The following IL15RA variants were observed in gnomAD, a reference collection of about 807,000 sequenced individuals.
IL15RA encodes interleukin-15 receptor subunit alpha.
In IL15RA, 26 loss-of-function variants were observed where a neutral mutation model predicts 24.2. That is an observed-to-expected ratio of 1.07 (90% CI 0.79 to 1.49). The LOEUF (loss-of-function observed/expected upper bound fraction) is 1.49. Ranked by LOEUF, IL15RA falls within the 40% of genes most tolerant of loss-of-function variation. IL15RA has a pLI of 0.00. For synonymous variants in IL15RA, 166 were observed against 157.6 expected, an observed-to-expected ratio of 1.05 and a Z score of -0.40; for missense variants, 354 against 356.4, an observed-to-expected ratio of 0.99 and a Z score of 0.05.
chr10:5,963,775 G>T lies in IL15RA; in HGVS notation c.350C>A (p.Pro117Gln). ...PSTVTTAGVT[P>Q]QPESLSPSGK... Reference sequence around the variant, plus strand: ...AGAAGGGGAGAGGCTCTCTGGCTGTGGGGTCACCCCTGCCGTCGTTACTGT... The same window carrying T: ...AGAAGGGGAGAGGCTCTCTGGCTGTTGGGTCACCCCTGCCGTCGTTACTGT... The change falls in exon 3 of 7, where the codon CCA becomes CAA. Residue 117 changes from proline to glutamine, a missense_variant. Pro to Gln is a moderately conservative substitution (Grantham distance 76, BLOSUM62 -1). Transcript: ENST00000379977. This position sits in a 1 kb window ranked among gnomAD's most constrained non-coding sequence, Gnocchi z 5.3. 1 of 1,526,350 alleles carries T rather than the reference G, an allele frequency of 6.6e-7. No homozygotes were observed. The allele number at this position is 1,526,350 out of a possible 1,614,324, so 94.6% of individuals were successfully genotyped here. A position where few individuals can be genotyped will look rare whatever the true frequency, so the allele number is the denominator to read the frequency against.
At chr10:5,951,637 C>T (rs976793333), downstream of IL15RA, among the ~76,000 whole-genome samples, 3 of 152,176 alleles carry the variant, frequency 2.0e-5, no homozygotes, top group African/African-American at 7.2e-5. Flanking sequence ...ACCAGTCTGG[C>T]CAACATAGCA....
chr10:5,952,902 T>C lies in IL15RA; in HGVS notation c.*193A>G, dbSNP rs942785061. The C allele has an allele frequency of 3.4e-5, 21 of 609,330 alleles. No individual in the cohort carries two copies. In the East Asian group the frequency reaches 5.7e-4, roughly 17 times the overall value. 37.7% of individuals were successfully genotyped at this position (609,330 alleles called of 1,614,324 possible). ...ACGACAGGCAGGCAGGTGGTGCCCA[T>C]GGGAATGCGGAGAACCTGCTCCCTC... On this transcript the variant is annotated 3_prime_UTR_variant, in exon 7 of 7. Transcript: ENST00000379977.
At position 5,961,843 on chromosome 10, in the gene IL15RA, G is replaced by A. The variant is rs1589196183; in HGVS notation, c.383-1276C>T. On this transcript the variant is annotated intron_variant, in intron 3 of 6. Transcript: ENST00000379977. The surrounding 1 kb of genome is among the most constrained non-coding windows in gnomAD (Gnocchi z 5.2). Reference sequence around the variant, plus strand: ...CGCACTGTTGTTGCCGCGTTCCCATGGTCTCCCAGCCACACAGGTCATGAG... The same window carrying A: ...CGCACTGTTGTTGCCGCGTTCCCATAGTCTCCCAGCCACACAGGTCATGAG... Among the ~76,000 whole-genome samples the A allele has an allele frequency of 6.6e-6, 1 of 152,198 alleles. No homozygotes were observed. The highest frequency in any genetic ancestry group is 6.5e-5 in the Admixed American group (1 of 15,286).
chr10:5,975,604 C>T lies in IL15RA; in HGVS notation c.88+1801G>A, dbSNP rs191933613. 2.6e-5 allele frequency among the ~76,000 whole-genome samples: 4 copies of T among 151,748 alleles called. No individual in the cohort carries two copies. The East Asian group carries it at 5.8e-4, about 22-fold the overall frequency. ...AGGCTGTTAAAGGGAAAAAAAACAA[C>T]GGCTGGGCAAGCTGGCTCACGCCTG... is the stretch of plus-strand genomic sequence containing the variant. On this transcript the variant is annotated intron_variant, in intron 1 of 6. Transcript: ENST00000379977. This position sits in a 1 kb window ranked among gnomAD's most constrained non-coding sequence, Gnocchi z 4.8.
rs1469608796 is a variant in IL15RA at position 5,960,153 on chromosome 10, G to T, written c.583+214C>A. ...TGGCCCTGTCACATCTTGGGGGGGT[G>T]TGGGCTTGCTTTTGCAGCTGCCCCA... On this transcript the variant is annotated intron_variant, in intron 4 of 6. Coordinates refer to ENST00000379977, the MANE Select transcript of IL15RA (RefSeq NM_002189.4). The surrounding 1 kb of genome is among the most constrained non-coding windows in gnomAD (Gnocchi z 5.1). Among the ~76,000 whole-genome samples, 1 of 152,194 alleles carries T rather than the reference G, an allele frequency of 6.6e-6. No homozygotes were observed. Among genetic ancestry groups the T allele is most frequent in the Non-Finnish European group, 1.5e-5 (1 of 68,044 alleles).
chr10:5,951,191 G>A (rs570108189), downstream of IL15RA, among the ~76,000 whole-genome samples: 1 of 148,316 alleles, frequency 6.7e-6, no homozygotes, highest in South Asian at 2.1e-4. Flanking sequence ...CAGGTGTTGT[G>A]GTGTGTGCCT....
At chr10:5,972,891 T>C (rs1837836935) in intron 1 of IL15RA, among the ~76,000 whole-genome samples, 1 of 151,888 alleles carries the variant, frequency 6.6e-6, no homozygotes, top group Non-Finnish European at 1.5e-5. Context: ...ATAAAATGGA[T>C]AGGAAATAAA....
chr10:5,961,072 G>A lies in IL15RA; in HGVS notation c.383-505C>T, dbSNP rs189914623. On this transcript the variant is annotated intron_variant, in intron 3 of 6. Transcript: ENST00000379977. This position sits in a 1 kb window ranked among gnomAD's most constrained non-coding sequence, Gnocchi z 5.2. ...TGGAATTACAGGTGTCCACCACCACGCCCAGCTAATTTTTGTATTTTTAAT... is the reference window on the plus strand; with the variant it reads ...TGGAATTACAGGTGTCCACCACCACACCCAGCTAATTTTTGTATTTTTAAT... 1.7e-3 allele frequency among the ~76,000 whole-genome samples: 253 copies of A among 152,142 alleles called. No individual in the cohort carries two copies. Among genetic ancestry groups the A allele is most frequent in the African/African-American group, 5.7e-3 (235 of 41,504 alleles).
In IL15RA at chr10:5,963,844, A is replaced by G; in HGVS notation, c.284-3T>C. 6.4e-7 allele frequency: 1 copy of G among 1,557,912 alleles called. No individual in the cohort carries two copies. Among genetic ancestry groups the G allele is most frequent in the Non-Finnish European group, 8.6e-7 (1 of 1,156,858 alleles). On this transcript the variant is annotated splice_polypyrimidine_tract_variant and splice_region_variant and intron_variant, in intron 2 of 6. Transcript: ENST00000379977. The surrounding 1 kb of genome is among the most constrained non-coding windows in gnomAD (Gnocchi z 5.3). Reference sequence around the variant, plus strand: ...TTGGTGAACCAGGGCAGGGTCTCCTAGAGAGAGGATAACCACATGGCACTT... The same window carrying G: ...TTGGTGAACCAGGGCAGGGTCTCCTGGAGAGAGGATAACCACATGGCACTT...
In IL15RA at chr10:5,960,617, C is replaced by T; in HGVS notation, c.383-50G>A. On this transcript the variant is annotated intron_variant, in intron 3 of 6. Transcript: ENST00000379977. This position sits in a 1 kb window ranked among gnomAD's most constrained non-coding sequence, Gnocchi z 5.1. ...CAACATCAGTGTGCAGACTCCCCTC[C>T]TCTCAGCTGCAGCACGGGGTGATGT... 6.7e-7 allele frequency: 1 copy of T among 1,498,790 alleles called. No individual in the cohort carries two copies. Among genetic ancestry groups the T allele is most frequent in the Non-Finnish European group, 9.2e-7 (1 of 1,082,448 alleles). The allele number at this position is 1,498,790 out of a possible 1,614,324, so 92.8% of individuals were successfully genotyped here.
In IL15RA at chr10:5,953,101, GT is replaced by G. The variant is rs1483413906; in HGVS notation, c.797del (p.His266ProfsTer11). 17 of 1,611,500 alleles carry G rather than the reference GT, an allele frequency of 1.1e-5. 1 individual carries two copies. The South Asian group carries it at 1.9e-4, about 18-fold the overall frequency. On this transcript the variant is annotated frameshift_variant, in exon 7 of 7. Coordinates refer to ENST00000379977, the MANE Select transcript of IL15RA (RefSeq NM_002189.4). LOFTEE classifies it high-confidence loss of function. This position sits in a 1 kb window ranked among gnomAD's most constrained non-coding sequence, Gnocchi z 5.3. Reference sequence around the variant, plus strand: ...GGGCTGGTTTCCCCGAGTTTCATAGGTGGTGAGAGCAGTTTTCCAAGTCTTC... The same window carrying G: ...GGGCTGGTTTCCCCGAGTTTCATAGGGGTGAGAGCAGTTTTCCAAGTCTTC... ...RDEDLENCSH[H>X]L
Position 5,963,858 on chromosome 10 carries a change from C to A in IL15RA, c.284-17G>T. The A allele has an allele frequency of 6.6e-7, 1 of 1,508,188 alleles. No homozygotes were observed. The highest frequency in any genetic ancestry group is 2.5e-5 in the East Asian group (1 of 39,792). The allele number at this position is 1,508,188 out of a possible 1,614,324, so 93.4% of individuals were successfully genotyped here. A position where few individuals can be genotyped will look rare whatever the true frequency, so the allele number is the denominator to read the frequency against. ...CAGGGTCTCCTAGAGAGAGGATAAC[C>A]ACATGGCACTTATGATCCTGAGCCT... On this transcript the variant is annotated splice_polypyrimidine_tract_variant and intron_variant, in intron 2 of 6. Coordinates refer to ENST00000379977, the MANE Select transcript of IL15RA (RefSeq NM_002189.4). The surrounding 1 kb of genome is among the most constrained non-coding windows in gnomAD (Gnocchi z 5.3).
chr10:5,955,565 A>T lies in IL15RA; in HGVS notation c.692+814T>A, dbSNP rs1184076045. Among the ~76,000 whole-genome samples, 1 of 152,242 alleles carries T rather than the reference A, an allele frequency of 6.6e-6. No individual in the cohort carries two copies. ...AGTACAAAATGAAGGCTAGAATGCC[A>T]TTTGAGGCTTTAATCAAAGAATAAT... On this transcript the variant is annotated intron_variant, in intron 6 of 6. Coordinates refer to ENST00000379977, the MANE Select transcript of IL15RA (RefSeq NM_002189.4). The surrounding 1 kb of genome is among the most constrained non-coding windows in gnomAD (Gnocchi z 5.3).
chr10:5,970,315 G>A lies in IL15RA; in HGVS notation c.89-3976C>T, dbSNP rs769561556. 2.0e-4 allele frequency among the ~76,000 whole-genome samples: 30 copies of A among 152,060 alleles called. No individual in the cohort carries two copies. The highest frequency in any genetic ancestry group is 3.8e-4 in the Non-Finnish European group (26 of 67,990). ...CTCTCCCCCAAGCCCTTGTGCTATT[G>A]TTCTATGTTTTGCTTTGACATATGT... On this transcript the variant is annotated intron_variant, in intron 1 of 6. Coordinates refer to ENST00000379977, the MANE Select transcript of IL15RA (RefSeq NM_002189.4). The surrounding 1 kb of genome is among the most constrained non-coding windows in gnomAD (Gnocchi z 4.1).
In IL15RA at chr10:5,966,221, C is replaced by A; in HGVS notation, c.207G>T (p.Thr69=). The A allele has an allele frequency of 3.1e-6, 5 of 1,614,138 alleles. No individual in the cohort carries two copies. The highest frequency in any genetic ancestry group is 1.7e-4 in the Middle Eastern group (1 of 6,060). The change falls in exon 2 of 7, where the codon ACG becomes ACT. Residue 69 remains threonine, a synonymous_variant. Transcript: ENST00000379977. This position sits in a 1 kb window ranked among gnomAD's most constrained non-coding sequence, Gnocchi z 6.4. ...TCAACACGCACTCCGTCAGGCTGGA[C>A]GTGCCGGCTTTACGCTTGAAACCAG... ...CNSGFKRKAG[T]SSLTECVLNK...
rs1429413139 is a variant in IL15RA at position 5,970,954 on chromosome 10, C to CCTAG, written c.89-4616_89-4615insCTAG. Reference sequence around the variant, plus strand: ...TTTTTTTTTCCTAGAGATGGGGTCTCACCATGTTGCCCAGCCTGGTCTCAA... The same window carrying CCTAG: ...TTTTTTTTTCCTAGAGATGGGGTCTCCTAGACCATGTTGCCCAGCCTGGTCTCAA... On this transcript the variant is annotated intron_variant, in intron 1 of 6. Transcript: ENST00000379977. This position sits in a 1 kb window ranked among gnomAD's most constrained non-coding sequence, Gnocchi z 4.1. 1.3e-5 allele frequency among the ~76,000 whole-genome samples: 2 copies of CCTAG among 151,988 alleles called. No homozygotes were observed. Among genetic ancestry groups the CCTAG allele is most frequent in the Non-Finnish European group, 2.9e-5 (2 of 67,996 alleles).
Position 5,962,487 on chromosome 10 carries a change from G to C in IL15RA, c.382+1256C>G, listed in dbSNP as rs1023378255. Among the ~76,000 whole-genome samples the C allele has an allele frequency of 1.3e-5, 2 of 151,942 alleles. No homozygotes were observed. The highest frequency in any genetic ancestry group is 4.8e-5 in the African/African-American group (2 of 41,316). The stretch of plus-strand genomic sequence containing the variant: ...CACGCCTGTGATCCCAGCTACTTGG[G>C]AGGCTGAGGCAGGAAAATCACTTGA... On this transcript the variant is annotated intron_variant, in intron 3 of 6. Coordinates refer to ENST00000379977, the MANE Select transcript of IL15RA (RefSeq NM_002189.4). This position sits in a 1 kb window ranked among gnomAD's most constrained non-coding sequence, Gnocchi z 5.2.
downstream of IL15RA, chr10:5,949,401 A>T (rs551374801): frequency 4.5e-4 from 210 of 470,004 alleles, 1 homozygote; most frequent in African/African-American, 4.1e-3. The surrounding 1 kb of genome is among the most constrained non-coding windows in gnomAD (Gnocchi z 4.4). Context: ...TATTACCTAA[A>T]ATATGCACAC....
rs1489859711 is a variant in IL15RA at position 5,970,377 on chromosome 10, A to G, written c.89-4038T>C. 1.3e-5 allele frequency among the ~76,000 whole-genome samples: 2 copies of G among 152,160 alleles called. No individual in the cohort carries two copies. Among genetic ancestry groups the G allele is most frequent in the African/African-American group, 4.8e-5 (2 of 41,430 alleles). ...ACACATTGTTATTATTTTGCTTTAA[A>G]CAGTTGATTATTGTTTATCAGCTCA... On this transcript the variant is annotated intron_variant, in intron 1 of 6. Transcript: ENST00000379977. This position sits in a 1 kb window ranked among gnomAD's most constrained non-coding sequence, Gnocchi z 4.1.
Sources: gnomAD v4.1 joint callset for allele counts (sites outside exome capture counted in the v4.1 genomes callset) on GRCh38, gnomAD v4.1.1 for gene constraint, Gnocchi (gnomAD v3.1) non-coding constraint, MANE v1.5 for transcripts, NCBI Gene and HGNC (gene_info 2026-07-23, HGNC 2026-07-21) for gene names.